Variants in KDM4C observed in about 807,000 individuals in gnomAD.
KDM4C encodes lysine-specific demethylase 4C.
In KDM4C, 81 loss-of-function variants were observed where a neutral mutation model predicts 129.3. That is an observed-to-expected ratio of 0.63 (90% CI 0.52 to 0.75). The LOEUF (loss-of-function observed/expected upper bound fraction) is 0.75. Among genes scored for constraint, KDM4C ranks in the 30% least tolerant of loss-of-function variants. The pLI, the probability that KDM4C is intolerant of heterozygous loss-of-function variation, is 0.00. For missense variants in KDM4C, 1,457 were observed against 1,304.0 expected, an observed-to-expected ratio of 1.12 and a Z score of -1.81; for synonymous variants, 573 against 456.1, an observed-to-expected ratio of 1.26 and a Z score of -3.26.
intron 17 of KDM4C, among the ~76,000 whole-genome samples, chr9:7,064,341 C>T (rs980419060): frequency 2.6e-5 from 4 of 151,882 alleles, no homozygotes; most frequent in African/African-American, 9.7e-5. Context: ...TCAATTTTGC[C>T]CTTTTCTTTA....
intron 11 of KDM4C, among the ~76,000 whole-genome samples, chr9:6,988,906 G>A (rs1182003097): frequency 6.6e-6 from 1 of 151,396 alleles, no homozygotes; most frequent in African/African-American, 2.4e-5. Context: ...CTATTCCTTT[G>A]TCCTTCTTTA....
intron 5 of KDM4C, among the ~76,000 whole-genome samples, chr9:6,877,048 CT>C (rs1457033915): frequency 6.6e-6 from 1 of 152,088 alleles, no homozygotes; most frequent in Non-Finnish European, 1.5e-5. Context: ...AGCTAGGGAG[CT>C]TTTTTCAGGG....
intron 8 of KDM4C, among the ~76,000 whole-genome samples, chr9:6,942,959 G>T (rs889460832): frequency 6.6e-6 from 1 of 152,104 alleles, no homozygotes; most frequent in Non-Finnish European, 1.5e-5. Context: ...CCAACCTCCT[G>T]GTTTCAAATG....
Position 6,849,542 on chromosome 9 carries a change from A to T in KDM4C, c.471A>T (p.Thr157=), listed in dbSNP as rs1838449005. ...AATGGAACATAGCTCGCCTCAATAC[A>T]GTCTTGGATGTGGTTGAAGAAGAGT... The part of the protein sequence containing the change: ...VDEWNIARLN[T]VLDVVEEECG... The change falls in exon 5 of 22, where the codon ACA becomes ACT. Residue 157 remains threonine, a synonymous_variant. Transcript: ENST00000381309. 6.2e-7 allele frequency: 1 copy of T among 1,609,136 alleles called. No homozygotes were observed. The highest frequency in any genetic ancestry group is 1.7e-4 in the Middle Eastern group (1 of 6,052).
intron 1 of KDM4C, among the ~76,000 whole-genome samples, chr9:6,778,529 G>A (rs1482488682): frequency 6.6e-6 from 1 of 151,638 alleles, no homozygotes; most frequent in East Asian, 2.0e-4. Flanking sequence ...CACTTTGGGA[G>A]GCTAAGCTGG....
intron 8 of KDM4C, among the ~76,000 whole-genome samples, chr9:6,898,055 G>T (rs1167256629): frequency 6.6e-6 from 1 of 152,140 alleles, no homozygotes; most frequent in Non-Finnish European, 1.5e-5. Flanking sequence ...CCGGCAGGTT[G>T]TATTTCATTT....
At chr9:7,116,154 C>A (rs1385743587) in intron 18 of KDM4C, among the ~76,000 whole-genome samples, 1 of 152,146 alleles carries the variant, frequency 6.6e-6, no homozygotes, top group Non-Finnish European at 1.5e-5. Flanking sequence ...GAGCAGGAGA[C>A]ATGGAGAAGT....
At chr9:6,975,777 C>T (rs1563918198) in intron 8 of KDM4C, among the ~76,000 whole-genome samples, 1 of 152,192 alleles carries the variant, frequency 6.6e-6, no homozygotes, top group Non-Finnish European at 1.5e-5. Flanking sequence ...TGTGGTGGCT[C>T]ACACCTGTAA....
At chr9:7,047,009 C>A in intron 16 of KDM4C, 92 bp downstream of exon 16, 2 of 892,222 alleles carry the variant, frequency 2.2e-6, no homozygotes, top group Non-Finnish European at 3.6e-6. Context: ...TCTCATTGTA[C>A]ACGTGGTTTC....
At chr9:6,825,762 G>C (rs1833772558) in intron 4 of KDM4C, among the ~76,000 whole-genome samples, 1 of 152,170 alleles carries the variant, frequency 6.6e-6, no homozygotes, top group Non-Finnish European at 1.5e-5. Context: ...AAAAGTGATA[G>C]AAAATTTAAA....
At chr9:6,836,516 C>T (rs140625393) in intron 4 of KDM4C, among the ~76,000 whole-genome samples, 347 of 152,324 alleles carry the variant, frequency 2.3e-3, no homozygotes, top group African/African-American at 8.0e-3. Flanking sequence ...CAGCACTGCT[C>T]AGGGACCAAC....
intron 5 of KDM4C, among the ~76,000 whole-genome samples, chr9:6,865,375 T>A (rs1841767159): frequency 6.6e-6 from 1 of 152,210 alleles, no homozygotes; most frequent in Admixed American, 6.5e-5. Context: ...ACTGGTTTCC[T>A]TGAAAGTGCT....
chr9:6,976,229 T>A (rs894679246), intron 8 of KDM4C, among the ~76,000 whole-genome samples: 1 of 152,188 alleles, frequency 6.6e-6, no homozygotes, highest in Non-Finnish European at 1.5e-5. Context: ...TATTCTTGGT[T>A]AAATAAGAGG....
In KDM4C at chr9:7,103,828, G is replaced by C; in HGVS notation, c.2568G>C (p.Val856=). ...TGGAGCCTGATGACTGGCCTTATGT[G>C]GTGAACATTACATGCTTTCGACATA... ...VLMEPDDWPY[V]VNITCFRHKV... is the part of the protein sequence containing the mutation. Residue 856 remains valine, a synonymous_variant, in exon 18 of 22, where the codon GTG becomes GTC. Transcript: ENST00000381309. The C allele has an allele frequency of 1.2e-6, 2 of 1,613,988 alleles. No individual in the cohort carries two copies. Among genetic ancestry groups the C allele is most frequent in the African/African-American group, 1.3e-5 (1 of 75,020 alleles).
chr9:6,765,939 CCACCGCACCAGGCT>C (rs1820542388), intron 1 of KDM4C, among the ~76,000 whole-genome samples: 1 of 152,052 alleles, frequency 6.6e-6, no homozygotes, highest in Non-Finnish European at 1.5e-5. Flanking sequence ...CAGGTGTGTG[CCACCGCACCAGGCT>C]AATTTTTGTG....
chr9:6,846,784 A>G lies in KDM4C; in HGVS notation c.436-2723A>G, dbSNP rs536747645. On this transcript the variant is annotated intron_variant, in intron 4 of 21. Transcript: ENST00000381309. Reference sequence around the variant, plus strand: ...GTTTTTTGGGAGGCTTTCCAGTAAGATTTGCTAGAGAATAGTGGTGATATT... The same window carrying G: ...GTTTTTTGGGAGGCTTTCCAGTAAGGTTTGCTAGAGAATAGTGGTGATATT... Among the ~76,000 whole-genome samples, 3 of 152,228 alleles carry G rather than the reference A, an allele frequency of 2.0e-5. No individual in the cohort carries two copies. In the South Asian group the frequency reaches 6.2e-4, roughly 32 times the overall value.
intron 12 of KDM4C, among the ~76,000 whole-genome samples, chr9:6,992,398 G>T (rs995481961): frequency 2.6e-5 from 4 of 152,184 alleles, no homozygotes; most frequent in African/African-American, 9.7e-5. Flanking sequence ...TACATATTTT[G>T]TAGAAACGAT....
At chr9:6,933,461 G>T (rs1761890062) in intron 8 of KDM4C, among the ~76,000 whole-genome samples, 2 of 152,128 alleles carry the variant, frequency 1.3e-5, no homozygotes, top group Non-Finnish European at 2.9e-5. Flanking sequence ...CACATTCAGG[G>T]TCAACTTTCC....
rs73639389 is a variant in KDM4C, at chr9:6,907,648, A to G, written c.921+14416A>G. On this transcript the variant is annotated intron_variant, in intron 8 of 21. Coordinates refer to ENST00000381309, the MANE Select transcript of KDM4C (RefSeq NM_015061.6). ...CATTACTCTATAATTAATAATTGAT[A>G]TCTAATTAAGGGACATTTCACGTTG... 3.8e-3 allele frequency among the ~76,000 whole-genome samples: 583 copies of G among 152,320 alleles called. 4 individuals are homozygous for G. Among genetic ancestry groups the G allele is most frequent in the African/African-American group, 0.014 (562 of 41,586 alleles).
Sources: gnomAD v4.1 joint callset for allele counts (sites outside exome capture counted in the v4.1 genomes callset) on GRCh38, gnomAD v4.1.1 for gene constraint, MANE v1.5 for transcripts, NCBI Gene and HGNC (gene_info 2026-07-23, HGNC 2026-07-21) for gene names.